PDE4D: variants seen among roughly 807,000 people sequenced by gnomAD.
PDE4D encodes phosphodiesterase 4D, also known as 3',5'-cyclic-AMP phosphodiesterase 4D.
Under a neutral mutation model 87.4 loss-of-function variants are expected in PDE4D, and 24 were observed. The ratio of observed to expected loss-of-function variants is 0.27; its 90% confidence interval spans 0.20 to 0.39. The LOEUF (loss-of-function observed/expected upper bound fraction) is 0.39. PDE4D is among the 10% of genes least tolerant of loss of function. The probability of loss-of-function intolerance (pLI) is 1.00; values close to 1 mark genes in which losing one functional copy is unlikely to be tolerated. For synonymous variants in PDE4D, 384 were observed against 383.2 expected, an observed-to-expected ratio of 1.00 and a Z score of -0.02; for missense variants, 714 against 1,041.0, an observed-to-expected ratio of 0.69 and a Z score of 4.32.
intron 1 of PDE4D, among the ~76,000 whole-genome samples, chr5:59,771,546 G>GAAAGAAAGAAAGAAAGAAAGAA (rs1193470474): frequency 6.7e-6 from 1 of 148,988 alleles, no homozygotes; most frequent in African/African-American, 2.6e-5. Context: ...AAGAAAGAAA[G>GAAAGAAAGAAAGAAAGAAAGAA]AAAGAAAAGA....
chr5:60,160,514 A>G (rs1051176886), intron 2 of PDE4D, among the ~76,000 whole-genome samples: 2 of 147,072 alleles, frequency 1.4e-5, no homozygotes, highest in Non-Finnish European at 2.9e-5. Context: ...TTTAAAAGAG[A>G]AAAAAAAATA....
At chr5:59,623,481 C>G (rs758282059) in intron 1 of PDE4D, among the ~76,000 whole-genome samples, 10 of 152,168 alleles carry the variant, frequency 6.6e-5, no homozygotes, top group Non-Finnish European at 1.5e-4. Context: ...GCCCTGCATC[C>G]CAGTGCTTGG....
At chr5:59,548,682 T>C (rs1257873216) in intron 1 of PDE4D, among the ~76,000 whole-genome samples, 4 of 152,070 alleles carry the variant, frequency 2.6e-5, no homozygotes, top group Non-Finnish European at 4.4e-5. Flanking sequence ...TAAAAACAGA[T>C]GGTCATGAAA....
intron 1 of PDE4D, among the ~76,000 whole-genome samples, chr5:59,257,020 G>A (rs1581636711): frequency 6.6e-6 from 1 of 152,016 alleles, no homozygotes; most frequent in African/African-American, 2.4e-5. Context: ...AAAGAGGGGG[G>A]ATGAGCATAG....
At chr5:60,009,572 A>C (rs896146710) in intron 2 of PDE4D, among the ~76,000 whole-genome samples, 4 of 152,060 alleles carry the variant, frequency 2.6e-5, no homozygotes, top group African/African-American at 9.7e-5. Context: ...AAAAAGCACT[A>C]AAGTAGATAG....
chr5:59,885,382 C>T (rs1292993286), intron 1 of PDE4D, among the ~76,000 whole-genome samples: 1 of 151,994 alleles, frequency 6.6e-6, no homozygotes, highest in Non-Finnish European at 1.5e-5. Flanking sequence ...AGCCTCTGAC[C>T]TTATCTGTCT....
chr5:59,810,319 G>C (rs930100146), intron 1 of PDE4D, among the ~76,000 whole-genome samples: 1 of 152,198 alleles, frequency 6.6e-6, no homozygotes, highest in Non-Finnish European at 1.5e-5. Flanking sequence ...GTATACAGTT[G>C]CTGACAGTCC....
chr5:60,504,479 T>C (rs1750237493), intron 1 of PDE4D, among the ~76,000 whole-genome samples: 2 of 152,164 alleles, frequency 1.3e-5, no homozygotes, highest in Non-Finnish European at 2.9e-5. Context: ...TTCATCCCTC[T>C]CCAGTGCACT....
chr5:59,664,349 G>A (rs1231908431), intron 1 of PDE4D, among the ~76,000 whole-genome samples: 10 of 152,170 alleles, frequency 6.6e-5, no homozygotes, highest in Non-Finnish European at 1.5e-4. Context: ...AAGGTGCTAT[G>A]TATGAATATA....
intron 3 of PDE4D, among the ~76,000 whole-genome samples, chr5:59,928,885 A>G (rs1195698077): frequency 2.0e-5 from 3 of 147,598 alleles, no homozygotes; most frequent in Non-Finnish European, 4.4e-5. Flanking sequence ...TATATATTCT[A>G]TATATCCATT....
chr5:59,280,810 GT>G (rs1168999595), intron 1 of PDE4D, among the ~76,000 whole-genome samples: 7 of 151,998 alleles, frequency 4.6e-5, no homozygotes, highest in Admixed American at 4.6e-4. Context: ...CAAGTGCCCA[GT>G]GGGGATTTTT....
chr5:59,122,436 T>C (rs1261418108), intron 5 of PDE4D, among the ~76,000 whole-genome samples: 3 of 152,042 alleles, frequency 2.0e-5, no homozygotes. Context: ...AGAGATTGAT[T>C]AATGGGTGCA....
chr5:58,978,996 C>T (rs1176152359), intron 11 of PDE4D, among the ~76,000 whole-genome samples: 5 of 152,020 alleles, frequency 3.3e-5, no homozygotes, highest in Non-Finnish European at 7.4e-5. Flanking sequence ...TATTAGAGTT[C>T]GTTTAAGGAA....
intron 1 of PDE4D, chr5:60,430,251 T>C (rs1034428622): frequency 1.4e-5 from 7 of 508,666 alleles, no homozygotes; most frequent in African/African-American, 1.2e-4. Flanking sequence ...CTTCTTCTTC[T>C]CATCACCCTT....
intron 1 of PDE4D, among the ~76,000 whole-genome samples, chr5:59,235,779 G>A (rs924414349): frequency 6.6e-6 from 1 of 152,076 alleles, no homozygotes; most frequent in Non-Finnish European, 1.5e-5. Context: ...AGCTGGAAAA[G>A]GATTTTAGCA....
chr5:59,419,821 C>T (rs1396557621), intron 1 of PDE4D, among the ~76,000 whole-genome samples: 1 of 152,184 alleles, frequency 6.6e-6, no homozygotes, highest in African/African-American at 2.4e-5. Context: ...TCAGTGGAGT[C>T]ATCTCTTAGA....
Position 59,689,757 on chromosome 5 carries a change from ATT to A in PDE4D, c.455+203409_455+203410del. Reference sequence around the variant, plus strand: ...AGGAGAAAGAAATAAAGGGTATTCAATTAGGAAAAGAGGAAGTCAAATTCTCC... The same window carrying A: ...AGGAGAAAGAAATAAAGGGTATTCAAAGGAAAAGAGGAAGTCAAATTCTCC... On this transcript the variant is annotated intron_variant, in intron 1 of 14. Transcript: ENST00000340635. Among the ~76,000 whole-genome samples the A allele has an allele frequency of 2.0e-5, 3 of 152,294 alleles. No homozygotes were observed. In the Middle Eastern group the frequency reaches 0.01, roughly 518 times the overall value.
At chr5:60,070,928 A>T (rs1259451376) in intron 2 of PDE4D, among the ~76,000 whole-genome samples, 1 of 151,800 alleles carries the variant, frequency 6.6e-6, no homozygotes, top group Non-Finnish European at 1.5e-5. Flanking sequence ...GTTTCTAGGA[A>T]TTTATTCATT....
intron 1 of PDE4D, among the ~76,000 whole-genome samples, chr5:59,637,702 G>A (rs1281542380): frequency 6.6e-6 from 1 of 152,074 alleles, no homozygotes; most frequent in East Asian, 1.9e-4. Context: ...GTTGAACAAT[G>A]AGAACATATG....
Sources: gnomAD v4.1 joint callset for allele counts (sites outside exome capture counted in the v4.1 genomes callset) on GRCh38, gnomAD v4.1.1 for gene constraint, MANE v1.5 for transcripts, NCBI Gene and HGNC (gene_info 2026-07-23, HGNC 2026-07-21) for gene names.